Variants in UBE2K observed in about 807,000 individuals in gnomAD.
UBE2K encodes the protein ubiquitin-conjugating enzyme E2 K.
A neutral mutation model predicts 30.0 loss-of-function variants in UBE2K; 6 were observed. That is an observed-to-expected ratio of 0.20 (90% confidence interval 0.11 to 0.39). The LOEUF (loss-of-function observed/expected upper bound fraction) is 0.39, where lower values mean the gene tolerates loss of function less well. Among genes scored for constraint, UBE2K ranks in the 10% least tolerant of loss-of-function variants. UBE2K has a pLI of 1.00. For missense variants in UBE2K, 61 were observed against 241.6 expected (o/e 0.25, Z 4.96); for synonymous variants, 86 against 83.7 (o/e 1.03, Z -0.15).
At chr4:39,753,816 G>A (rs1721392546) in intron 3 of UBE2K, among the ~76,000 whole-genome samples, 1 of 152,156 alleles carries the variant, frequency 6.6e-6, no homozygotes, top group Admixed American at 6.6e-5. Flanking sequence ...GTAGTCTAAG[G>A]CCAGGTTAAG....
chr4:39,757,015 TTTGTTTTTTGTTTTTTG>T (rs1721562555), intron 4 of UBE2K, among the ~76,000 whole-genome samples: 1 of 103,488 alleles, frequency 9.7e-6, no homozygotes, highest in Admixed American at 1.2e-4. Context: ...TTTTTTGTTT[TTTGTTTTTTGTTTTTTG>T]TTTTTTTTTT....
intron 1 of UBE2K, among the ~76,000 whole-genome samples, chr4:39,708,921 C>CTT (rs200755048): frequency 4.3e-5 from 6 of 138,236 alleles, no homozygotes; most frequent in Non-Finnish European, 7.9e-5. Flanking sequence ...TTATTTGTGT[C>CTT]TTTTTTTTTT....
chr4:39,726,585 GATT>G (rs990455079), intron 1 of UBE2K, among the ~76,000 whole-genome samples: 1 of 151,778 alleles, frequency 6.6e-6, no homozygotes, highest in African/African-American at 2.4e-5. Context: ...CTCCCTTCTA[GATT>G]ATTTTGCTGT....
At position 39,718,266 on chromosome 4, in the gene UBE2K, A is replaced by G. The variant is rs190285894; in HGVS notation, c.64-19154A>G. ...GACACAAAAGTTCTCCATGTTCTCT[A>G]GATTAGCTAGATACAGAGTGTCGAT... is the stretch of plus-strand genomic sequence containing the variant. On this transcript the variant is annotated intron_variant, in intron 1 of 6. Coordinates refer to ENST00000261427, the MANE Select transcript of UBE2K (RefSeq NM_005339.5). 3.9e-5 allele frequency among the ~76,000 whole-genome samples: 6 copies of G among 152,304 alleles called. No individual in the cohort carries two copies. The East Asian group carries it at 5.8e-4, about 15-fold the overall frequency.
chr4:39,743,603 CA>C (rs547385325), intron 2 of UBE2K, among the ~76,000 whole-genome samples: 37,926 of 112,422 alleles, frequency 0.34, 5,398 homozygotes, highest in African/African-American at 0.49. Flanking sequence ...GACTCCGTCT[CA>C]AAAAAAAAAA....
intron 1 of UBE2K, among the ~76,000 whole-genome samples, chr4:39,737,118 T>C (rs150363661): frequency 2.0e-5 from 3 of 152,344 alleles, no homozygotes; most frequent in Non-Finnish European, 2.9e-5. Flanking sequence ...ATACATGGAA[T>C]TGGCAAACAT....
At chr4:39,738,168 A>G (rs1720479180) in intron 2 of UBE2K, among the ~76,000 whole-genome samples, 1 of 152,202 alleles carries the variant, frequency 6.6e-6, no homozygotes, top group African/African-American at 2.4e-5. Context: ...GTAAATTTAG[A>G]TTATATAGCA....
At chr4:39,713,629 C>T (rs1241764722) in intron 1 of UBE2K, among the ~76,000 whole-genome samples, 2 of 151,712 alleles carry the variant, frequency 1.3e-5, no homozygotes, top group African/African-American at 4.8e-5. Context: ...GCATTAAGGA[C>T]ATTGTGTAGC....
At chr4:39,772,319 G>A (rs1477527096) in intron 4 of UBE2K, among the ~76,000 whole-genome samples, 11 of 151,686 alleles carry the variant, frequency 7.3e-5, no homozygotes, top group African/African-American at 2.2e-4. Flanking sequence ...CATCACTTTC[G>A]GGGGCTGAGG....
At chr4:39,760,871 G>A (rs1578489447) in intron 4 of UBE2K, 1 of 152,214 alleles carries the variant, frequency 6.6e-6, no homozygotes, top group South Asian at 2.1e-4. Flanking sequence ...CAGAAGTGAG[G>A]CTTTGTAATG....
At chr4:39,736,416 C>A (rs760812675) in intron 1 of UBE2K, among the ~76,000 whole-genome samples, 1 of 152,140 alleles carries the variant, frequency 6.6e-6, no homozygotes, top group Non-Finnish European at 1.5e-5. Context: ...GAGCCGAGAT[C>A]GTGCCATCGC....
intron 1 of UBE2K, among the ~76,000 whole-genome samples, chr4:39,725,403 A>C (rs1208556128): frequency 1.5e-5 from 2 of 135,612 alleles, no homozygotes; most frequent in Non-Finnish European, 3.2e-5. Context: ...AAAAAAAAAA[A>C]AAACACCTCT....
At chr4:39,732,672 C>CTTTTTTTT (rs10650873) in intron 1 of UBE2K, among the ~76,000 whole-genome samples, 9 of 115,108 alleles carry the variant, frequency 7.8e-5, no homozygotes, top group African/African-American at 1.8e-4. Flanking sequence ...CTTCTTCCCT[C>CTTTTTTTT]TTTTTTTTTT....
chr4:39,764,367 A>T (rs899060722), intron 4 of UBE2K, among the ~76,000 whole-genome samples: 3 of 151,904 alleles, frequency 2.0e-5, no homozygotes, highest in Admixed American at 2.0e-4. Context: ...AATTGTATCT[A>T]AATTTGCAGC....
At chr4:39,768,435 A>G (rs1459882943) in intron 4 of UBE2K, among the ~76,000 whole-genome samples, 1 of 139,646 alleles carries the variant, frequency 7.2e-6, no homozygotes, top group African/African-American at 2.7e-5. Context: ...GGACAGAGTG[A>G]GACTTCGTTT....
In UBE2K at chr4:39,767,309, T is replaced by TTG. The variant is rs1553880119; in HGVS notation, c.300-7515_300-7514dup. Among the ~76,000 whole-genome samples the TTG allele has an allele frequency of 2.5e-3, 381 of 150,968 alleles. 3 individuals are homozygous for TTG. The highest frequency in any genetic ancestry group is 9.0e-3 in the African/African-American group (367 of 40,912). On this transcript the variant is annotated intron_variant, in intron 4 of 6. Coordinates refer to ENST00000261427, the MANE Select transcript of UBE2K (RefSeq NM_005339.5). ...GTTTTCTTTTTTTCTGTTTTTTTTT[T>TTG]TGTGTGTGTGTTTTGTTTGTTTGTT...
intron 4 of UBE2K, among the ~76,000 whole-genome samples, chr4:39,767,308 T>TG (rs1712407459): frequency 1.3e-5 from 2 of 150,004 alleles, no homozygotes; most frequent in African/African-American, 5.0e-5. Context: ...TGTTTTTTTT[T>TG]TTGTGTGTGT....
chr4:39,712,106 AC>A (rs1718725427), intron 1 of UBE2K, among the ~76,000 whole-genome samples: 2 of 150,910 alleles, frequency 1.3e-5, no homozygotes, highest in Non-Finnish European at 1.5e-5. Context: ...GAAAAAAAAA[AC>A]GTAGTTACTT....
At chr4:39,701,103 C>T (rs1408302012) in intron 1 of UBE2K, among the ~76,000 whole-genome samples, 1 of 150,974 alleles carries the variant, frequency 6.6e-6, no homozygotes, top group Non-Finnish European at 1.5e-5. Flanking sequence ...TGGCCTCTTT[C>T]CCTTAAGACA....
Sources: gnomAD v4.1 joint callset for allele counts (sites outside exome capture counted in the v4.1 genomes callset) on GRCh38, gnomAD v4.1.1 for gene constraint, MANE v1.5 for transcripts, NCBI Gene and HGNC (gene_info 2026-07-23, HGNC 2026-07-21) for gene names.